Variants in BEND2 observed in about 807,000 individuals in gnomAD.
BEND2 encodes BEN domain-containing protein 2.
In BEND2, 19 loss-of-function variants were observed where a neutral mutation model predicts 43.8. The observed-to-expected ratio is 0.43, with a 90% CI of 0.30 to 0.64. BEND2 has a LOEUF of 0.64. Among genes scored for constraint, BEND2 ranks in the 30% least tolerant of loss-of-function variants. The pLI, the probability that BEND2 is intolerant of heterozygous loss-of-function variation, is 0.11. For synonymous variants in BEND2, 226 were observed against 210.1 expected (o/e 1.08, Z -0.66); for missense variants, 544 against 574.0 (o/e 0.95, Z 0.53).
At position 18,203,933 on chromosome X, in the gene BEND2, A is replaced by G; in HGVS notation, c.493-18T>C. 8.7e-7 allele frequency: 1 copy of G among 1,148,550 alleles called. No homozygotes were observed. Among genetic ancestry groups the G allele is most frequent in the Non-Finnish European group, 1.2e-6 (1 of 857,417 alleles). 94.7% of individuals were successfully genotyped at this position (1,148,550 alleles called of 1,213,427 possible). On this transcript the variant is annotated intron_variant, in intron 4 of 13. Coordinates refer to ENST00000380033, the MANE Select transcript of BEND2 (RefSeq NM_153346.5). ...GACTGTACCTATCCAGGGTAAGAGA[A>G]CAGAATGAGTAAAGTTATTTTCTTC...
At chrX:18,214,583 G>T (rs1041935692) in intron 2 of BEND2, among the ~76,000 whole-genome samples, 8 of 110,076 alleles carry the variant, frequency 7.3e-5, no homozygotes, top group Admixed American at 9.7e-5. Flanking sequence ...CAGCACTTTG[G>T]GGGGCTGAGG....
chrX:18,172,334 T>G (rs775538650), intron 12 of BEND2, among the ~76,000 whole-genome samples: 2 of 110,875 alleles, frequency 1.8e-5, no homozygotes, highest in African/African-American at 6.5e-5. Flanking sequence ...AAAAAAAGGT[T>G]AATACTCTTT....
chrX:18,208,938 C>T (rs192284623), intron 4 of BEND2, among the ~76,000 whole-genome samples: 6 of 110,660 alleles, frequency 5.4e-5, no homozygotes, highest in Non-Finnish European at 1.1e-4. Context: ...GGAACCGGGG[C>T]TCCTTAGAGA....
At chrX:18,218,604 C>A (rs780877430) in intron 1 of BEND2, among the ~76,000 whole-genome samples, 31 of 112,635 alleles carry the variant, frequency 2.8e-4, no homozygotes, top group Non-Finnish European at 3.9e-4. Context: ...GGCTCTCACT[C>A]GTAATCCCCG....
chrX:18,174,167 C>G lies in BEND2; in HGVS notation c.1844G>C (p.Gly615Ala). ...NDQRGRDGGEGCSWMFQPMNN... is the reference protein window; with the variant it reads ...NDQRGRDGGEACSWMFQPMNN... ...CATTGGCTGAAACATCCAAGAACAG[C>G]CTTCACCACCATCTCTGCCCCTTTG... Residue 615 changes from glycine to alanine, a missense_variant, in exon 12 of 14, where the codon GGC (glycine) becomes GCC (alanine). Physicochemically the swap from Gly to Ala is moderately conservative, Grantham distance 60. Around this residue, in one of 2 missense-constraint regions of BEND2, gnomAD observed 501 missense variants for 501.6 expected, o/e 1.00. Coordinates refer to ENST00000380033, the MANE Select transcript of BEND2 (RefSeq NM_153346.5). 1 of 1,211,585 alleles carries G rather than the reference C, an allele frequency of 8.3e-7. No individual in the cohort carries two copies. Among genetic ancestry groups the G allele is most frequent in the East Asian group, 3.0e-5 (1 of 33,837 alleles).
intron 13 of BEND2, among the ~76,000 whole-genome samples, chrX:18,166,106 T>C (rs1463575152): frequency 1.8e-5 from 2 of 112,189 alleles, no homozygotes; most frequent in African/African-American, 6.5e-5. Context: ...AAGGTTTTTG[T>C]GGTATGTCAC....
chrX:18,205,156 T>C (rs1244245086), intron 4 of BEND2, among the ~76,000 whole-genome samples: 2 of 109,563 alleles, frequency 1.8e-5, no homozygotes, highest in Non-Finnish European at 3.8e-5. Context: ...AAAAAAAAAA[T>C]ACGCTTAAAC....
intron 7 of BEND2, 51 bp downstream of exon 7, chrX:18,195,245 G>C: frequency 8.9e-7 from 1 of 1,126,619 alleles, no homozygotes; most frequent in Non-Finnish European, 1.2e-6. Context: ...TAAGAATGTT[G>C]ATGAATCTAG....
chrX:18,195,511 A>C (rs1924913318), intron 6 of BEND2, 69 bp from the exon 7 acceptor site: 1 of 999,636 alleles, frequency 1.0e-6, no homozygotes, highest in African/African-American at 1.9e-5. Flanking sequence ...TCTGGAAAAA[A>C]GGTAAAGACA....
chrX:18,201,802 A>G lies in BEND2; in HGVS notation c.1033+13T>C. 22 of 1,203,083 alleles carry G rather than the reference A, an allele frequency of 1.8e-5. No individual in the cohort carries two copies. The highest frequency in any genetic ancestry group is 2.5e-5 in the Non-Finnish European group (22 of 891,450). On this transcript the variant is annotated intron_variant, in intron 6 of 13. Coordinates refer to ENST00000380033, the MANE Select transcript of BEND2 (RefSeq NM_153346.5). ...GCCACCACGCCCAGCATTATGTATCATTTCAAACTCACCAAAATAGGGAGG... is the reference window on the plus strand; with the variant it reads ...GCCACCACGCCCAGCATTATGTATCGTTTCAAACTCACCAAAATAGGGAGG...
chrX:18,202,750 T>C (rs1925207197), intron 5 of BEND2, among the ~76,000 whole-genome samples: 2 of 112,265 alleles, frequency 1.8e-5, no homozygotes, highest in African/African-American at 6.5e-5. Flanking sequence ...AACCTAAACA[T>C]GCAATTAATA....
chrX:18,215,462 C>G (rs1413661139), intron 2 of BEND2, among the ~76,000 whole-genome samples: 1 of 112,330 alleles, frequency 8.9e-6, no homozygotes, highest in Non-Finnish European at 1.9e-5. Flanking sequence ...CAAACCACCA[C>G]CTGTGGACCA....
At chrX:18,182,779 G>T (rs1461939866) in intron 8 of BEND2, among the ~76,000 whole-genome samples, 5 of 111,337 alleles carry the variant, frequency 4.5e-5, no homozygotes, top group African/African-American at 1.6e-4. Flanking sequence ...GGGGGCTTAT[G>T]CCTGTAATCC....
chrX:18,191,988 T>C (rs1266019634), intron 7 of BEND2, among the ~76,000 whole-genome samples: 1 of 112,254 alleles, frequency 8.9e-6, no homozygotes. Flanking sequence ...ATAAAAACTT[T>C]AATTGGAAAA....
chrX:18,180,584 T>C lies in BEND2; in HGVS notation c.1355A>G (p.Asn452Ser). Residue 452 changes from asparagine to serine, a missense_variant, in exon 9 of 14, where the codon AAT becomes AGT. By Grantham distance (46) the Asn-to-Ser change is conservative. This residue lies in a region of BEND2 where 501 missense variants were observed against 501.6 expected (regional missense o/e 1.00). Coordinates refer to ENST00000380033, the MANE Select transcript of BEND2 (RefSeq NM_153346.5). ...GTCACTGTCCAATAAAGTTGAGCGATTCATTGTGTTGACGCTGTTTTCCGT... is the reference window on the plus strand; with the variant it reads ...GTCACTGTCCAATAAAGTTGAGCGACTCATTGTGTTGACGCTGTTTTCCGT... ...TNTENSVNTMNRSTLLDSDSG... is the reference protein window; with the variant it reads ...TNTENSVNTMSRSTLLDSDSG... 1 of 1,210,733 alleles carries C rather than the reference T, an allele frequency of 8.3e-7. No homozygotes were observed. Among genetic ancestry groups the C allele is most frequent in the Non-Finnish European group, 1.1e-6 (1 of 894,611 alleles).
At chrX:18,167,525 A>C (rs1031996416) in intron 13 of BEND2, among the ~76,000 whole-genome samples, 1 of 111,382 alleles carries the variant, frequency 9.0e-6, no homozygotes, top group Admixed American at 9.6e-5. Flanking sequence ...TTATAGCAAG[A>C]AAGATCTAGA....
chrX:18,164,983 A>C lies in BEND2; in HGVS notation c.*26T>G. 8.5e-7 allele frequency: 1 copy of C among 1,177,482 alleles called. No individual in the cohort carries two copies. The highest frequency in any genetic ancestry group is 1.1e-6 in the Non-Finnish European group (1 of 883,388). ...ACAAAATAGTCTTAACAGTTAAAAA[A>C]AAAAAAAAAGTTTGGCAGCTGCCGT... On this transcript the variant is annotated 3_prime_UTR_variant, in exon 14 of 14. Coordinates refer to ENST00000380033, the MANE Select transcript of BEND2 (RefSeq NM_153346.5).
chrX:18,178,021 G>C (rs1924240343), intron 9 of BEND2, among the ~76,000 whole-genome samples: 1 of 111,025 alleles, frequency 9.0e-6, no homozygotes, highest in Admixed American at 9.7e-5. Flanking sequence ...TACTGGTCTT[G>C]AGCTTGCTGT....
At chrX:18,167,299 A>G (rs1923849216) in intron 13 of BEND2, among the ~76,000 whole-genome samples, 1 of 111,002 alleles carries the variant, frequency 9.0e-6, no homozygotes, top group African/African-American at 3.3e-5. Context: ...AAAGAAAGAA[A>G]GAAAAGAAAA....
Sources: allele counts gnomAD v4.1 joint callset (sites outside exome capture counted in the v4.1 genomes callset), GRCh38; gene constraint gnomAD v4.1.1; regional missense constraint gnomAD v4.1.1; transcripts MANE v1.5; gene names NCBI Gene and HGNC (gene_info 2026-07-23, HGNC 2026-07-21).